OSBPL6: variants seen among roughly 807,000 people sequenced by gnomAD.
OSBPL6 encodes oxysterol-binding protein-related protein 6.
A neutral mutation model predicts 125.8 loss-of-function variants in OSBPL6; 49 were observed. The observed-to-expected ratio is 0.39, with a 90% CI of 0.31 to 0.49. The LOEUF is 0.49. Ranked by LOEUF, OSBPL6 falls within the 20% of genes least tolerant of loss-of-function variation. OSBPL6 has a pLI of 0.88. For synonymous variants in OSBPL6, 394 were observed against 391.8 expected (o/e 1.01, Z -0.07); for missense variants, 986 against 1,135.4 (o/e 0.87, Z 1.89).
At chr2:178,336,544 C>A in intron 9 of OSBPL6, 111 bp downstream of exon 9, 1 of 1,248,134 alleles carries the variant, frequency 8.0e-7, no homozygotes, top group Non-Finnish European at 1.1e-6. Flanking sequence ...CCTTGATCGT[C>A]TTGACCTTTC....
At chr2:178,283,389 A>T (rs1684401278) in intron 1 of OSBPL6, among the ~76,000 whole-genome samples, 1 of 152,070 alleles carries the variant, frequency 6.6e-6, no homozygotes, top group Admixed American at 6.5e-5. Flanking sequence ...AATAAGTAAA[A>T]AAAAAAAAGG....
At chr2:178,243,062 A>G (rs1396531578) in intron 1 of OSBPL6, among the ~76,000 whole-genome samples, 4 of 152,180 alleles carry the variant, frequency 2.6e-5, no homozygotes, top group East Asian at 1.9e-4. Flanking sequence ...GTAAAAATGT[A>G]TAAAATCAAT....
At chr2:178,378,704 C>G (rs911759639) in intron 15 of OSBPL6, among the ~76,000 whole-genome samples, 7 of 152,340 alleles carry the variant, frequency 4.6e-5, no homozygotes, top group African/African-American at 1.7e-4. Context: ...AGCCTTGGCT[C>G]TTTGTGCAGG....
intron 3 of OSBPL6, chr2:178,320,301 T>A (rs1375467250): frequency 7.4e-6 from 12 of 1,612,278 alleles, no homozygotes; most frequent in African/African-American, 1.3e-5. Context: ...GAGGAGCATA[T>A]TTTTACCAAA....
At chr2:178,298,930 A>G (rs1212790371) in intron 2 of OSBPL6, among the ~76,000 whole-genome samples, 1 of 152,162 alleles carries the variant, frequency 6.6e-6, no homozygotes, top group African/African-American at 2.4e-5. Flanking sequence ...TGCCTTAGTA[A>G]GAATTTGTAC....
chr2:178,204,087 G>A (rs1328803254), intron 1 of OSBPL6, among the ~76,000 whole-genome samples: 6 of 146,678 alleles, frequency 4.1e-5, no homozygotes, highest in African/African-American at 5.1e-5. Context: ...GCAGTGCCGC[G>A]ATCTCTGCCC....
chr2:178,344,193 C>T (rs1690481251), intron 11 of OSBPL6: 19 of 1,119,772 alleles, frequency 1.7e-5, no homozygotes, highest in Middle Eastern at 4.0e-4. Flanking sequence ...AAAAACTCTC[C>T]CTCTCCTTGT....
chr2:178,292,000 G>T (rs1204631327), intron 2 of OSBPL6, among the ~76,000 whole-genome samples: 1 of 151,992 alleles, frequency 6.6e-6, no homozygotes, highest in East Asian at 1.9e-4. Context: ...TTTTATATAG[G>T]TAAACTCATG....
chr2:178,382,593 A>G (rs1041415798), intron 16 of OSBPL6, 86 bp downstream of exon 16: 1 of 1,515,464 alleles, frequency 6.6e-7, no homozygotes, highest in African/African-American at 1.5e-5. Context: ...TCCCCCTCCC[A>G]CGCCACCCCC....
At chr2:178,363,534 G>C (rs527462451) in intron 13 of OSBPL6, among the ~76,000 whole-genome samples, 1 of 152,276 alleles carries the variant, frequency 6.6e-6, no homozygotes, top group Admixed American at 6.5e-5. Context: ...CCGGGCTCTG[G>C]TTGCTCAGAG....
intron 23 of OSBPL6, among the ~76,000 whole-genome samples, chr2:178,392,971 A>G (rs918767461): frequency 1.1e-4 from 17 of 151,634 alleles, no homozygotes; most frequent in African/African-American, 4.1e-4. Context: ...TCCCTTATTC[A>G]CTCAGCAATA....
chr2:178,233,079 T>A (rs567522541), intron 1 of OSBPL6, among the ~76,000 whole-genome samples: 27 of 152,246 alleles, frequency 1.8e-4, no homozygotes, highest in Non-Finnish European at 2.9e-4. Flanking sequence ...TTTTGTAATA[T>A]TGGGAACTTT....
chr2:178,240,509 A>C (rs1193477784), intron 1 of OSBPL6, among the ~76,000 whole-genome samples: 1 of 152,202 alleles, frequency 6.6e-6, no homozygotes, highest in Non-Finnish European at 1.5e-5. Flanking sequence ...TGGAGGTTGC[A>C]GTGAGCCGAG....
At chr2:178,278,088 T>C (rs2092506859) in intron 1 of OSBPL6, among the ~76,000 whole-genome samples, 1 of 152,212 alleles carries the variant, frequency 6.6e-6, no homozygotes, top group Non-Finnish European at 1.5e-5. Flanking sequence ...TTGATTTTCA[T>C]ATACTTTTCT....
chr2:178,366,981 A>G (rs1180487488), intron 13 of OSBPL6, among the ~76,000 whole-genome samples: 2 of 152,256 alleles, frequency 1.3e-5, no homozygotes, highest in African/African-American at 4.8e-5. Context: ...GAAAACAATC[A>G]TGCACATATT....
At chr2:178,311,392 A>AT (rs1687257270) in intron 3 of OSBPL6, among the ~76,000 whole-genome samples, 1 of 151,592 alleles carries the variant, frequency 6.6e-6, no homozygotes, top group Admixed American at 6.6e-5. Flanking sequence ...AGCTGGTTTG[A>AT]TTTTTCTTTA....
chr2:178,348,648 A>G (rs887394177), intron 11 of OSBPL6, among the ~76,000 whole-genome samples: 1 of 152,252 alleles, frequency 6.6e-6, no homozygotes, highest in African/African-American at 2.4e-5. Context: ...AGAGATTTAT[A>G]TCATATATAT....
chr2:178,357,626 A>G (rs1691929622), intron 12 of OSBPL6, among the ~76,000 whole-genome samples: 1 of 152,210 alleles, frequency 6.6e-6, no homozygotes, highest in Admixed American at 6.5e-5. Context: ...ACGCTTTTAC[A>G]CTGTTTGTGG....
In OSBPL6 at chr2:178,379,237, A is replaced by AAG. The variant is rs570382045; in HGVS notation, c.1534-3169_1534-3168dup. On this transcript the variant is annotated intron_variant, in intron 15 of 24. Coordinates refer to ENST00000190611, the MANE Select transcript of OSBPL6 (RefSeq NM_032523.4). ...GAGGAAGTAAGGGAAAGAAGAAAGA[A>AAG]AGAGAGAGAGAGAGAAAGAAAAACA... is the stretch of plus-strand genomic sequence containing the variant. 3.7e-4 allele frequency among the ~76,000 whole-genome samples: 56 copies of AAG among 149,600 alleles called. No homozygotes were observed. The Middle Eastern group carries it at 0.01, about 28-fold the overall frequency.
Sources: gnomAD v4.1 joint callset for allele counts (sites outside exome capture counted in the v4.1 genomes callset) on GRCh38, gnomAD v4.1.1 for gene constraint, MANE v1.5 for transcripts, NCBI Gene and HGNC (gene_info 2026-07-23, HGNC 2026-07-21) for gene names.